TMEM131L: variants seen among roughly 807,000 people sequenced by gnomAD.
The protein encoded by TMEM131L is transmembrane 131 like.
TMEM131L carries 54 observed loss-of-function variants against 192.2 expected under a neutral mutation model. The observed-to-expected ratio is 0.28, with a 90% CI of 0.23 to 0.35. TMEM131L has a LOEUF of 0.35. Ranked by LOEUF, TMEM131L falls within the 10% of genes least tolerant of loss-of-function variation. The pLI, the probability that TMEM131L is intolerant of heterozygous loss-of-function variation, is 1.00. For missense variants in TMEM131L, 1,888 were observed against 1,972.9 expected, an observed-to-expected ratio of 0.96 and a Z score of 0.82; for synonymous variants, 701 against 704.9, an observed-to-expected ratio of 0.99 and a Z score of 0.09.
In TMEM131L at chr4:153,634,200, A is replaced by T; in HGVS notation, c.4337A>T (p.Asp1446Val). The T allele has an allele frequency of 6.2e-7, 1 of 1,613,900 alleles. No individual in the cohort carries two copies. The highest frequency in any genetic ancestry group is 8.5e-7 in the Non-Finnish European group (1 of 1,179,824). Residue 1446 changes from aspartate (D) to valine (V), a missense_variant, in exon 33 of 35, where the codon GAT becomes GTT. Physicochemically the swap from Asp to Val is radical, Grantham distance 152 (BLOSUM62 -3). Coordinates refer to ENST00000409959, the MANE Select transcript of TMEM131L (RefSeq NM_001131007.2). ...ESAPVHNSFI[D>V]WSATCEGQFS... is the part of the protein sequence containing the mutation. ...CTTGTTTTTTGTGGCAGTTTCATTG[A>T]TTGGAGTGCAACATGCGAAGGCCAG...
intron 7 of TMEM131L, among the ~76,000 whole-genome samples, chr4:153,570,326 A>G (rs1729502954): frequency 6.6e-6 from 1 of 152,172 alleles, no homozygotes; most frequent in Non-Finnish European, 1.5e-5. Context: ...AAAGAGAGGG[A>G]AGGAAGTTGG....
intron 3 of TMEM131L, among the ~76,000 whole-genome samples, chr4:153,486,388 T>C (rs908311539): frequency 1.1e-4 from 17 of 152,256 alleles, no homozygotes; most frequent in Admixed American, 3.9e-4. Context: ...AGAGGAGCTG[T>C]CCTGTCAGCT....
In TMEM131L at chr4:153,598,597, T is replaced by G; in HGVS notation, c.2131T>G (p.Leu711Val). 8 of 1,613,304 alleles carry G rather than the reference T, an allele frequency of 5.0e-6. No homozygotes were observed. Among genetic ancestry groups the G allele is most frequent in the Non-Finnish European group, 6.8e-6 (8 of 1,179,298 alleles). Residue 711 changes from leucine to valine, a missense_variant, in exon 21 of 35, where the codon TTG becomes GTG. Transcript: ENST00000409959. ...TATTTCCTTTCACTACAGGAATAAC[T>G]TGACTGTTATTGACATGATTGGCGT... Reference protein sequence around the residue: ...VTSLILIRNNLTVIDMIGVEG... With the variant: ...VTSLILIRNNVTVIDMIGVEG...
At chr4:153,588,354 T>A (rs1045092770) in intron 15 of TMEM131L, among the ~76,000 whole-genome samples, 6 of 149,084 alleles carry the variant, frequency 4.0e-5, no homozygotes, top group Middle Eastern at 3.4e-3. Context: ...TTTTTTTTTT[T>A]AAAGATTCCC....
intron 3 of TMEM131L, among the ~76,000 whole-genome samples, chr4:153,534,026 C>A (rs1410402520): frequency 6.6e-6 from 1 of 152,140 alleles, no homozygotes; most frequent in African/African-American, 2.4e-5. Context: ...TTTTATGATT[C>A]TGCAGTTTCT....
intron 3 of TMEM131L, among the ~76,000 whole-genome samples, chr4:153,481,435 T>G (rs1580028406): frequency 1.3e-5 from 2 of 152,214 alleles, no homozygotes; most frequent in African/African-American, 4.8e-5. Flanking sequence ...TTACATTGAT[T>G]ACTTGTTATG....
intron 25 of TMEM131L, among the ~76,000 whole-genome samples, chr4:153,609,785 T>C (rs1327556485): frequency 1.3e-5 from 2 of 152,176 alleles, no homozygotes; most frequent in African/African-American, 4.8e-5. Flanking sequence ...TTCTCACAAA[T>C]TAGGACACCA....
intron 2 of TMEM131L, among the ~76,000 whole-genome samples, chr4:153,468,157 C>G (rs184092055): frequency 1.4e-3 from 208 of 152,326 alleles, no homozygotes; most frequent in Admixed American, 2.2e-3. Context: ...AACAGGATGT[C>G]TAGCTATAAC....
In TMEM131L at chr4:153,612,259, C is replaced by T. The variant is rs778624979; in HGVS notation, c.3426C>T (p.Asn1142=). Residue 1142 remains asparagine (N), a synonymous_variant, in exon 26 of 35, where the codon AAC becomes AAT. Transcript: ENST00000409959. ...TGTTTTTGTTTATTAAAGGGAATAACCAGCAAGTACCTGTCAAGAATGAAG... is the reference window on the plus strand; with the variant it reads ...TGTTTTTGTTTATTAAAGGGAATAATCAGCAAGTACCTGTCAAGAATGAAG... ...PEISRKNNGN[N]QQVPVKNEVD... is the part of the protein sequence containing the mutation. The T allele has an allele frequency of 3.3e-5, 51 of 1,545,100 alleles. No individual in the cohort carries two copies. The South Asian group carries it at 6.6e-4, about 20-fold the overall frequency.
chr4:153,629,213 C>T (rs1461419971), intron 31 of TMEM131L, among the ~76,000 whole-genome samples: 1 of 152,184 alleles, frequency 6.6e-6, no homozygotes, highest in Non-Finnish European at 1.5e-5. Context: ...TCTGTCACCA[C>T]AGTTCCAAAG....
At chr4:153,616,368 G>C (rs544518120) in intron 26 of TMEM131L, among the ~76,000 whole-genome samples, 1 of 148,658 alleles carries the variant, frequency 6.7e-6, no homozygotes, top group South Asian at 2.1e-4. Context: ...TTCATTTGGC[G>C]AAAATCATTC....
At position 153,607,277 on chromosome 4, in the gene TMEM131L, A is replaced by G. The variant is rs79629792; in HGVS notation, c.3418+2847A>G. On this transcript the variant is annotated intron_variant, in intron 25 of 34. Transcript: ENST00000409959. ...ATGCTTGAGAATGAGAAAAGCATAT[A>G]TATAAGAACCTTTAAGTTTTTACTT... Among the ~76,000 whole-genome samples, 475 of 152,358 alleles carry G rather than the reference A, an allele frequency of 3.1e-3. 3 individuals are homozygous for G. The highest frequency in any genetic ancestry group is 0.011 in the African/African-American group (452 of 41,598).
chr4:153,627,484 C>G, intron 30 of TMEM131L, 121 bp from the exon 31 acceptor site: 1 of 672,130 alleles, frequency 1.5e-6, no homozygotes. Flanking sequence ...TGTTTCTTCC[C>G]CAAGAAACTC....
intron 7 of TMEM131L, among the ~76,000 whole-genome samples, chr4:153,579,090 T>C (rs748837971): frequency 6.6e-6 from 1 of 152,180 alleles, no homozygotes; most frequent in Non-Finnish European, 1.5e-5. Context: ...GGCTGGTGTA[T>C]TGGTGCACAC....
At chr4:153,472,150 C>T (rs1475485758) in intron 2 of TMEM131L, among the ~76,000 whole-genome samples, 4 of 152,036 alleles carry the variant, frequency 2.6e-5, no homozygotes, top group Non-Finnish European at 5.9e-5. Context: ...AACTCATTAA[C>T]ACACTAAACA....
At chr4:153,624,104 G>GTTT (rs11407959) in intron 29 of TMEM131L, among the ~76,000 whole-genome samples, 1 of 140,276 alleles carries the variant, frequency 7.1e-6, no homozygotes. Flanking sequence ...TTTTCACTCA[G>GTTT]TTTTTTTTTT....
intron 4 of TMEM131L, among the ~76,000 whole-genome samples, chr4:153,550,406 A>G (rs1737521736): frequency 6.6e-6 from 1 of 152,050 alleles, no homozygotes; most frequent in African/African-American, 2.4e-5. Flanking sequence ...TGCTCACTGC[A>G]AGCTCTGCCT....
At chr4:153,517,424 A>G (rs1352594022) in intron 3 of TMEM131L, among the ~76,000 whole-genome samples, 2 of 152,142 alleles carry the variant, frequency 1.3e-5, no homozygotes, top group East Asian at 3.9e-4. Flanking sequence ...ATGTTTTTAC[A>G]TGACTGTGTT....
In TMEM131L at chr4:153,596,367, C is replaced by A. The variant is rs761919515; in HGVS notation, c.2105C>A (p.Thr702Asn). 5.6e-6 allele frequency: 9 copies of A among 1,613,676 alleles called. No homozygotes were observed. Among genetic ancestry groups the A allele is most frequent in the Non-Finnish European group, 7.6e-6 (9 of 1,179,748 alleles). The change falls in exon 20 of 35, where the codon ACC becomes AAC. Residue 702 changes from threonine (T) to asparagine (N), a missense_variant. By Grantham distance (65) the Thr-to-Asn change is moderately conservative. Coordinates refer to ENST00000409959, the MANE Select transcript of TMEM131L (RefSeq NM_001131007.2). ...VFTPADYGKV[T>N]SLILIRNNLT... ...ACACCTGCTGACTATGGAAAAGTTA[C>A]CTCACTCATACTAATCCGGTAGGTG...
Sources: allele counts gnomAD v4.1 joint callset (sites outside exome capture counted in the v4.1 genomes callset), GRCh38; gene constraint gnomAD v4.1.1; transcripts MANE v1.5; gene names NCBI Gene and HGNC (gene_info 2026-07-23, HGNC 2026-07-21).